VPS13D: variants seen among roughly 807,000 people sequenced by gnomAD.
VPS13D encodes vacuolar protein sorting 13 homolog D.
A neutral mutation model predicts 461.9 loss-of-function variants in VPS13D; 187 were observed. The ratio of observed to expected loss-of-function variants is 0.40; its 90% CI spans 0.36 to 0.46. The LOEUF is 0.46. VPS13D is among the 20% of genes least tolerant of loss of function. VPS13D has a pLI of 0.60. For synonymous variants in VPS13D, 1,951 were observed against 1,986.3 expected (o/e 0.98, Z 0.47); for missense variants, 4,711 against 5,364.9 (o/e 0.88, Z 3.81).
At chr1:12,240,933 CT>C (rs970898865) in intron 2 of VPS13D, among the ~76,000 whole-genome samples, 3 of 151,076 alleles carry the variant, frequency 2.0e-5, no homozygotes, top group South Asian at 2.1e-4. Flanking sequence ...TCTTTTTCTT[CT>C]TTTTTTTTCC....
intron 24 of VPS13D, among the ~76,000 whole-genome samples, chr1:12,295,874 A>G (rs1422341855): frequency 1.3e-5 from 2 of 152,134 alleles, no homozygotes; most frequent in Non-Finnish European, 2.9e-5. Context: ...GGTCTATAAG[A>G]TCCTTTAAAA....
chr1:12,381,376 C>T lies in VPS13D; in HGVS notation c.11191-1600C>T, dbSNP rs539604641. 3.9e-5 allele frequency among the ~76,000 whole-genome samples: 6 copies of T among 152,308 alleles called. No individual in the cohort carries two copies. The East Asian group carries it at 1.2e-3, about 29-fold the overall frequency. On this transcript the variant is annotated intron_variant, in intron 57 of 69. Transcript: ENST00000620676. ...ACAAAGGGGATTTAGACACTCTTTGCCATTGTCTTCTCTAGCCTTGTGTTT... is the reference window on the plus strand; with the variant it reads ...ACAAAGGGGATTTAGACACTCTTTGTCATTGTCTTCTCTAGCCTTGTGTTT...
At chr1:12,432,790 T>A (rs1645009996) in intron 65 of VPS13D, among the ~76,000 whole-genome samples, 1 of 152,060 alleles carries the variant, frequency 6.6e-6, no homozygotes, top group African/African-American at 2.4e-5. Context: ...AGATGGGGTT[T>A]CTCTATGTTG....
intron 21 of VPS13D, among the ~76,000 whole-genome samples, chr1:12,285,992 C>A (rs566240645): frequency 1.7e-5 from 2 of 119,678 alleles, no homozygotes; most frequent in East Asian, 5.2e-4. Context: ...CCTTTCCTTT[C>A]CTCTCCTCTC....
chr1:12,333,134 G>C (rs1016832550), intron 37 of VPS13D, 92 bp from the exon 38 acceptor site: 1 of 1,457,834 alleles, frequency 6.9e-7, no homozygotes, highest in South Asian at 1.3e-5. Context: ...TATTAAGCTC[G>C]AGTTTGTCCT....
At position 12,507,675 on chromosome 1, in the gene VPS13D, T is replaced by C. The variant is rs1201956031; in HGVS notation, c.13035+582T>C. On this transcript the variant is annotated intron_variant, in intron 69 of 69. Transcript: ENST00000620676. The surrounding 1 kb of genome is among the most constrained non-coding windows in gnomAD (Gnocchi z 5.3). ...CCTAGAGGGCTGGCTGTCTTGTGGG[T>C]TGTCTGATCACTGTGTTGCTGTCAT... Among the ~76,000 whole-genome samples, 1 of 152,260 alleles carries C rather than the reference T, an allele frequency of 6.6e-6. No individual in the cohort carries two copies. The highest frequency in any genetic ancestry group is 2.4e-5 in the African/African-American group (1 of 41,474).
At chr1:12,250,820 GT>G (rs1255031078) in intron 6 of VPS13D, among the ~76,000 whole-genome samples, 1 of 152,266 alleles carries the variant, frequency 6.6e-6, no homozygotes, top group Non-Finnish European at 1.5e-5. Flanking sequence ...TTCCCCATCT[GT>G]TTTTGTAAAT....
intron 67 of VPS13D, among the ~76,000 whole-genome samples, chr1:12,469,364 G>GT (rs1459429784): frequency 1.3e-5 from 2 of 152,192 alleles, no homozygotes; most frequent in Non-Finnish European, 2.9e-5. Flanking sequence ...GCTACACAAT[G>GT]TATGATATTG....
At chr1:12,441,729 C>T (rs930360519) in intron 65 of VPS13D, among the ~76,000 whole-genome samples, 12 of 152,214 alleles carry the variant, frequency 7.9e-5, no homozygotes, top group African/African-American at 2.9e-4. Context: ...CTTTCTTCTT[C>T]AATCCAAATC....
rs377174939 is a variant in VPS13D at position 12,276,749 on chromosome 1, A to C, written c.3161A>C (p.Asp1054Ala). ...GGACCGAATGTGGCCCACTTAACTGATGGAGCTACACTGAACGACCGATCA... is the reference window on the plus strand; with the variant it reads ...GGACCGAATGTGGCCCACTTAACTGCTGGAGCTACACTGAACGACCGATCA... ...VSGPNVAHLTDGATLNDRSAT... is the reference protein window; with the variant it reads ...VSGPNVAHLTAGATLNDRSAT... The change falls in exon 19 of 70, where the codon GAT becomes GCT. Residue 1054 changes from aspartate (D) to alanine (A), a missense_variant. Transcript: ENST00000620676. The surrounding 1 kb of genome is among the most constrained non-coding windows in gnomAD (Gnocchi z 4.5). The C allele has an allele frequency of 1.6e-4, 265 of 1,614,140 alleles. 1 individual carries two copies. In the Middle Eastern group the frequency reaches 2.5e-3, roughly 15 times the overall value.
chr1:12,345,426 GA>G lies in VPS13D; in HGVS notation c.8939del (p.Glu2980GlyfsTer3). 6.2e-7 allele frequency: 1 copy of G among 1,613,972 alleles called. No homozygotes were observed. Reference sequence around the variant, plus strand: ...ACTGCAAGTGAGAGTAAATGGCTGGGAGCAAGTGAGCCCAGTGTCTGTGGAC... The same window carrying G: ...ACTGCAAGTGAGAGTAAATGGCTGGGGCAAGTGAGCCCAGTGTCTGTGGAC... The part of the protein sequence containing the change: ...HQLQVRVNGW[E>X]QVSPVSVDKV... On this transcript the variant is annotated frameshift_variant, in exon 43 of 70. Coordinates refer to ENST00000620676, the MANE Select transcript of VPS13D (RefSeq NM_015378.4). LOFTEE classifies it high-confidence loss of function.
chr1:12,265,337 C>T (rs769513406), intron 13 of VPS13D, among the ~76,000 whole-genome samples: 82 of 152,116 alleles, frequency 5.4e-4, no homozygotes, highest in Non-Finnish European at 1.0e-3. Context: ...TGAGCTCTCA[C>T]TTTTTTGGCC....
In VPS13D at chr1:12,473,925, G is replaced by T. The variant is rs1020164117; in HGVS notation, c.12662+13529G>T. 6.6e-6 allele frequency among the ~76,000 whole-genome samples: 1 copy of T among 152,094 alleles called. No homozygotes were observed. The highest frequency in any genetic ancestry group is 2.1e-4 in the South Asian group (1 of 4,808). ...CTCTGAGCCTTTGTGTGTGGGAACC[G>T]CACTGGAAAAGGTGTGCAGAGGCCA... On this transcript the variant is annotated intron_variant, in intron 67 of 69. Transcript: ENST00000620676. This position sits in a 1 kb window ranked among gnomAD's most constrained non-coding sequence, Gnocchi z 4.2.
chr1:12,270,850 G>A, intron 16 of VPS13D, 144 bp from the exon 17 acceptor site: 1 of 1,089,280 alleles, frequency 9.2e-7, no homozygotes, highest in Admixed American at 2.5e-5. Context: ...AAAGTGCTGG[G>A]ATTACGAGTG....
At chr1:12,365,658 C>G (rs1026976020) in intron 52 of VPS13D, among the ~76,000 whole-genome samples, 1 of 150,184 alleles carries the variant, frequency 6.7e-6, no homozygotes, top group South Asian at 2.1e-4. Flanking sequence ...GACCCGAGAT[C>G]GTGCCGTTGC....
chr1:12,242,393 C>A, intron 2 of VPS13D, 120 bp from the exon 3 acceptor site: 1 of 845,588 alleles, frequency 1.2e-6, no homozygotes, highest in Non-Finnish European at 1.9e-6. Context: ...CTTTAACCTT[C>A]ACATGACGTA....
rs1367608852 is a variant in VPS13D at position 12,507,240 on chromosome 1, G to A, written c.13035+147G>A. ...GTGCTGCCTCTCAGTCCTGAACATG[G>A]GAGGGGCCCAGGGTATGTTCACGGG... On this transcript the variant is annotated intron_variant, in intron 69 of 69. Coordinates refer to ENST00000620676, the MANE Select transcript of VPS13D (RefSeq NM_015378.4). The surrounding 1 kb of genome is among the most constrained non-coding windows in gnomAD (Gnocchi z 5.3). 7.0e-7 allele frequency: 1 copy of A among 1,424,162 alleles called. No individual in the cohort carries two copies. Among genetic ancestry groups the A allele is most frequent in the African/African-American group, 1.4e-5 (1 of 71,264 alleles). The allele number at this position is 1,424,162 out of a possible 1,614,324, so 88.2% of individuals were successfully genotyped here.
intron 52 of VPS13D, 132 bp from the exon 53 acceptor site, chr1:12,368,336 C>T: frequency 9.5e-7 from 1 of 1,052,680 alleles, no homozygotes; most frequent in East Asian, 2.6e-5. Flanking sequence ...GAGGAACACA[C>T]AGTGGGCTGT....
At chr1:12,398,598 A>G (rs988899419) in intron 60 of VPS13D, among the ~76,000 whole-genome samples, 5 of 152,140 alleles carry the variant, frequency 3.3e-5, no homozygotes, top group Admixed American at 2.0e-4. Flanking sequence ...GTGAGACAGA[A>G]CAGGAAGATG....
Sources: allele counts gnomAD v4.1 joint callset (sites outside exome capture counted in the v4.1 genomes callset), GRCh38; gene constraint gnomAD v4.1.1; non-coding constraint Gnocchi (gnomAD v3.1); transcripts MANE v1.5; gene names NCBI Gene and HGNC (gene_info 2026-07-23, HGNC 2026-07-21).